FSTL5: variants seen among roughly 807,000 people sequenced by gnomAD.
FSTL5 encodes the protein follistatin like 5.
A neutral mutation model predicts 89.1 loss-of-function variants in FSTL5; 62 were observed. The observed-to-expected ratio is 0.70, with a 90% confidence interval of 0.57 to 0.86. The LOEUF (loss-of-function observed/expected upper bound fraction) is 0.86. FSTL5 is among the 40% of genes least tolerant of loss of function. The pLI is 0.00. For synonymous variants in FSTL5, 383 were observed against 346.2 expected (o/e 1.11, Z -1.18); for missense variants, 1,057 against 1,001.6 (o/e 1.06, Z -0.75).
In FSTL5 at chr4:161,428,712, G is replaced by A. The variant is rs529294765; in HGVS notation, c.1841+26292C>T. ...AAAGAGCCATTGAGTCCTGAATAAGGAGCAGTGATACCCGGACAGTACTCA... is the reference window on the plus strand; with the variant it reads ...AAAGAGCCATTGAGTCCTGAATAAGAAGCAGTGATACCCGGACAGTACTCA... On this transcript the variant is annotated intron_variant, in intron 15 of 15. Coordinates refer to ENST00000306100, the MANE Select transcript of FSTL5 (RefSeq NM_020116.5). Among the ~76,000 whole-genome samples, 18 of 152,186 alleles carry A rather than the reference G, an allele frequency of 1.2e-4. No individual in the cohort carries two copies. In the South Asian group the frequency reaches 3.7e-3, roughly 32 times the overall value.
chr4:161,770,576 A>C (rs1741172324), intron 5 of FSTL5, among the ~76,000 whole-genome samples: 1 of 152,004 alleles, frequency 6.6e-6, no homozygotes, highest in African/African-American at 2.4e-5. Context: ...TTAAGTATTT[A>C]AATTGTAAAA....
At chr4:161,521,412 A>C (rs1731015115) in intron 10 of FSTL5, among the ~76,000 whole-genome samples, 1 of 152,096 alleles carries the variant, frequency 6.6e-6, no homozygotes, top group African/African-American at 2.4e-5. Flanking sequence ...CCTGATTTTA[A>C]ATCTCTATTC....
chr4:161,518,506 A>G (rs17041163), intron 10 of FSTL5, among the ~76,000 whole-genome samples: 14,103 of 152,126 alleles, frequency 0.093, 881 homozygotes, highest in South Asian at 0.2. Flanking sequence ...TGTAATGCAG[A>G]TTTCTGGGTT....
At chr4:161,629,692 G>C (rs1270192145) in intron 7 of FSTL5, among the ~76,000 whole-genome samples, 1 of 152,088 alleles carries the variant, frequency 6.6e-6, no homozygotes. Context: ...AAGAAAATGG[G>C]ATTTTTTTCC....
intron 13 of FSTL5, among the ~76,000 whole-genome samples, chr4:161,471,984 T>C (rs935520079): frequency 5.3e-5 from 8 of 151,328 alleles, no homozygotes; most frequent in Admixed American, 4.6e-4. Context: ...TTGATCTTTT[T>C]TTTTTTTTTT....
chr4:162,087,762 T>C (rs937831754), intron 2 of FSTL5, among the ~76,000 whole-genome samples: 2 of 152,154 alleles, frequency 1.3e-5, no homozygotes, highest in Non-Finnish European at 2.9e-5. Context: ...TGACAAAATA[T>C]CATTGCACAG....
intron 8 of FSTL5, among the ~76,000 whole-genome samples, chr4:161,549,882 G>A (rs1732140004): frequency 6.6e-6 from 1 of 151,812 alleles, no homozygotes; most frequent in African/African-American, 2.4e-5. Flanking sequence ...TTTAGTGTCT[G>A]GAGGATCCAT....
chr4:161,751,832 A>C (rs1166588148), intron 6 of FSTL5, among the ~76,000 whole-genome samples: 1 of 152,082 alleles, frequency 6.6e-6, no homozygotes, highest in Non-Finnish European at 1.5e-5. Flanking sequence ...GCACATTATT[A>C]ATTTTGTAAT....
chr4:162,131,375 T>C (rs372682920), intron 1 of FSTL5, among the ~76,000 whole-genome samples: 19 of 152,164 alleles, frequency 1.2e-4, no homozygotes, highest in African/African-American at 4.6e-4. Flanking sequence ...AAACTATGGA[T>C]TGTGGGTATA....
rs144825274 is a variant in FSTL5 at position 161,593,366 on chromosome 4, A to T, written c.895-5791T>A. On this transcript the variant is annotated intron_variant, in intron 7 of 15. Coordinates refer to ENST00000306100, the MANE Select transcript of FSTL5 (RefSeq NM_020116.5). ...CTTTACCTATATTTATGCTAGGTGA[A>T]TTTCTGTTAAAAATAGCTTCCCTCA... 2.6e-5 allele frequency among the ~76,000 whole-genome samples: 4 copies of T among 152,276 alleles called. No individual in the cohort carries two copies. The East Asian group carries it at 7.7e-4, about 29-fold the overall frequency.
chr4:161,851,107 T>C (rs1731535058), intron 4 of FSTL5, among the ~76,000 whole-genome samples: 1 of 152,060 alleles, frequency 6.6e-6, no homozygotes, highest in Admixed American at 6.6e-5. Context: ...AACAATGATT[T>C]AAGCAAAATC....
intron 11 of FSTL5, among the ~76,000 whole-genome samples, chr4:161,504,699 A>AT (rs1227690535): frequency 6.6e-6 from 1 of 151,904 alleles, no homozygotes; most frequent in East Asian, 1.9e-4. Context: ...TTCCCAGAGG[A>AT]TTTTCTAATC....
intron 10 of FSTL5, among the ~76,000 whole-genome samples, chr4:161,513,414 C>T (rs1054368354): frequency 3.3e-5 from 5 of 151,546 alleles, no homozygotes; most frequent in African/African-American, 1.2e-4. Context: ...GGTTTAATAC[C>T]AGGGTGATTC....
intron 11 of FSTL5, among the ~76,000 whole-genome samples, chr4:161,509,699 G>GTAA (rs139371475): frequency 0.013 from 2,032 of 152,228 alleles, 29 homozygotes; most frequent in Non-Finnish European, 0.019. Flanking sequence ...CACCAGGAGT[G>GTAA]TAATGATGGC....
At chr4:161,401,588 G>A (rs140086133) in intron 15 of FSTL5, among the ~76,000 whole-genome samples, 1 of 152,062 alleles carries the variant, frequency 6.6e-6, no homozygotes, top group Non-Finnish European at 1.5e-5. Flanking sequence ...GCAGTGGCGC[G>A]ATCTCAGCTC....
chr4:161,685,633 T>C (rs1413258593), intron 6 of FSTL5, among the ~76,000 whole-genome samples: 1 of 152,218 alleles, frequency 6.6e-6, no homozygotes, highest in Admixed American at 6.5e-5. Context: ...CTTGGCTGAA[T>C]TCTTTTGTCA....
At chr4:162,001,356 G>C (rs1166557287) in intron 3 of FSTL5, among the ~76,000 whole-genome samples, 1 of 152,080 alleles carries the variant, frequency 6.6e-6, no homozygotes, top group East Asian at 1.9e-4. Flanking sequence ...AAATTGAAGA[G>C]ATATTTAGCA....
At chr4:161,435,391 A>C (rs1738084499) in intron 15 of FSTL5, among the ~76,000 whole-genome samples, 1 of 152,038 alleles carries the variant, frequency 6.6e-6, no homozygotes, top group East Asian at 1.9e-4. Context: ...ACTAATGGAG[A>C]TAGAGACTAG....
At chr4:161,620,914 G>A (rs1161781982) in intron 7 of FSTL5, among the ~76,000 whole-genome samples, 34 of 152,068 alleles carry the variant, frequency 2.2e-4, no homozygotes, top group Non-Finnish European at 2.9e-5. Context: ...CAGAACCTCA[G>A]GGAGAAATAG....
Sources: allele counts gnomAD v4.1 joint callset (sites outside exome capture counted in the v4.1 genomes callset), GRCh38; gene constraint gnomAD v4.1.1; transcripts MANE v1.5; gene names NCBI Gene and HGNC (gene_info 2026-07-23, HGNC 2026-07-21).